The following PPARA variants were observed in gnomAD, a reference collection of about 807,000 sequenced individuals.
The protein encoded by PPARA is peroxisome proliferator activated receptor alpha.
PPARA carries 22 observed loss-of-function variants against 42.2 expected under a neutral mutation model. The observed-to-expected ratio is 0.52, with a 90% confidence interval of 0.37 to 0.74. The LOEUF is 0.74. Ranked by LOEUF, PPARA falls within the 30% of genes least tolerant of loss-of-function variation. The pLI is 0.00. For missense variants in PPARA, 465 were observed against 608.2 expected, an observed-to-expected ratio of 0.76 and a Z score of 2.48; for synonymous variants, 242 against 239.3, an observed-to-expected ratio of 1.01 and a Z score of -0.10.
chr22:46,153,676 T>G (rs894386978), intron 2 of PPARA, among the ~76,000 whole-genome samples: 3 of 151,808 alleles, frequency 2.0e-5, no homozygotes, highest in African/African-American at 7.3e-5. Flanking sequence ...CTGGCCAATA[T>G]GGTGAAACCC....
intron 3 of PPARA, among the ~76,000 whole-genome samples, chr22:46,185,916 A>AAAAAT (rs1569207624): frequency 4.0e-5 from 1 of 25,304 alleles, no homozygotes; most frequent in Non-Finnish European, 6.2e-5. Flanking sequence ...AAAAAAAAAA[A>AAAAAT]ATATATATAT....
chr22:46,194,689 A>G (rs1381488653), intron 3 of PPARA, among the ~76,000 whole-genome samples: 1 of 148,196 alleles, frequency 6.7e-6, no homozygotes, highest in African/African-American at 2.5e-5. Flanking sequence ...CTCCTGCCTC[A>G]GCCTCCCGAG....
Position 46,185,949 on chromosome 22 carries a change from A to G in PPARA, c.-43+9113A>G, listed in dbSNP as rs1324681652. Among the ~76,000 whole-genome samples the G allele has an allele frequency of 6.5e-4, 44 of 67,334 alleles. 2 individuals carry two copies. The highest frequency in any genetic ancestry group is 2.4e-3 in the South Asian group (4 of 1,662). The allele number at this position is 67,334 out of a possible 152,430, so 44.2% of individuals were successfully genotyped here. A position where few individuals can be genotyped will look rare whatever the true frequency, so the allele number is the denominator to read the frequency against. On this transcript the variant is annotated intron_variant, in intron 3 of 8. Transcript: ENST00000407236. ...TATATATATATATATATATATATATATATATATATATATATACACACACAC... is the reference window on the plus strand; with the variant it reads ...TATATATATATATATATATATATATGTATATATATATATATACACACACAC...
intron 4 of PPARA, among the ~76,000 whole-genome samples, chr22:46,213,299 T>A (rs1007414516): frequency 6.6e-6 from 1 of 152,210 alleles, no homozygotes; most frequent in Non-Finnish European, 1.5e-5. Flanking sequence ...AGTGCCCCGA[T>A]GACATATCAT....
rs1936338237 is a variant in PPARA, at chr22:46,240,298, G to A, written c.*4918G>A. On this transcript the variant is annotated 3_prime_UTR_variant, in exon 9 of 9. Transcript: ENST00000407236. The surrounding 1 kb of genome is among the most constrained non-coding windows in gnomAD (Gnocchi z 6.0). ...TTTAAAATGAAAACACCAGCCTCCAGATGTAGGGCCTGCTGGGTGTTGCTA... is the reference window on the plus strand; with the variant it reads ...TTTAAAATGAAAACACCAGCCTCCAAATGTAGGGCCTGCTGGGTGTTGCTA... 1 of 398,682 alleles carries A rather than the reference G, an allele frequency of 2.5e-6. No individual in the cohort carries two copies. The highest frequency in any genetic ancestry group is 4.4e-6 in the Non-Finnish European group (1 of 226,102). The allele number at this position is 398,682 out of a possible 1,614,324, so 24.7% of individuals were successfully genotyped here.
rs71192405 is a variant in PPARA at position 46,232,981 on chromosome 22, C to CAAAAAA, written c.1159+757_1159+762dup. On this transcript the variant is annotated intron_variant, in intron 8 of 8. Coordinates refer to ENST00000407236, the MANE Select transcript of PPARA (RefSeq NM_005036.6). This position sits in a 1 kb window ranked among gnomAD's most constrained non-coding sequence, Gnocchi z 5.3. ...TGGGCGACGAAGAATGACCCTGTCT[C>CAAAAAA]AAAAAAAAAAAAAAAAAAAATTATA... Among the ~76,000 whole-genome samples, 61 of 93,552 alleles carry CAAAAAA rather than the reference C, an allele frequency of 6.5e-4. 1 individual carries two copies. Among genetic ancestry groups the CAAAAAA allele is most frequent in the Admixed American group, 1.3e-3 (10 of 7,674 alleles). The allele number at this position is 93,552 out of a possible 152,430, so 61.4% of individuals were successfully genotyped here.
Position 46,231,983 on chromosome 22 carries a change from C to T in PPARA, c.903C>T (p.Asp301=), listed in dbSNP as rs4253773. The T allele has an allele frequency of 3.7e-4, 597 of 1,614,210 alleles. 2 individuals are homozygous for T. The highest frequency in any genetic ancestry group is 4.4e-4 in the Non-Finnish European group (516 of 1,180,032). ...CCATCCCAGGCTTCGCAAACTTGGA[C>T]CTGAACGATCAAGTGACATTGCTAA... ...AKAIPGFANL[D]LNDQVTLLKY... is the part of the protein sequence containing the mutation. The change falls in exon 8 of 9, where the codon GAC becomes GAT. Residue 301 remains aspartate (D), a synonymous_variant. Coordinates refer to ENST00000407236, the MANE Select transcript of PPARA (RefSeq NM_005036.6). The surrounding 1 kb of genome is among the most constrained non-coding windows in gnomAD (Gnocchi z 7.7).
rs1429605191 is a variant in PPARA at position 46,224,598 on chromosome 22, C to T, written c.711+4584C>T. ...CCCCACAGAGCCTCAGGAAGGCACACTGACCTCAGGGCCGGCGGCTGACTT... is the reference window on the plus strand; with the variant it reads ...CCCCACAGAGCCTCAGGAAGGCACATTGACCTCAGGGCCGGCGGCTGACTT... On this transcript the variant is annotated intron_variant, in intron 7 of 8. Coordinates refer to ENST00000407236, the MANE Select transcript of PPARA (RefSeq NM_005036.6). The surrounding 1 kb of genome is among the most constrained non-coding windows in gnomAD (Gnocchi z 5.7). 6.6e-6 allele frequency among the ~76,000 whole-genome samples: 1 copy of T among 152,212 alleles called. No individual in the cohort carries two copies. The highest frequency in any genetic ancestry group is 1.5e-5 in the Non-Finnish European group (1 of 68,046).
chr22:46,204,652 A>G lies in PPARA; in HGVS notation c.208+6061A>G, dbSNP rs1404472486. ...ATCTTTTCGTATGCTTATTTGCCAT[A>G]TATCTTCTTTGGTGATATTTCTGTT... On this transcript the variant is annotated intron_variant, in intron 4 of 8. Transcript: ENST00000407236. This position sits in a 1 kb window ranked among gnomAD's most constrained non-coding sequence, Gnocchi z 5.2. 6.6e-6 allele frequency among the ~76,000 whole-genome samples: 1 copy of G among 152,052 alleles called. No homozygotes were observed. Among genetic ancestry groups the G allele is most frequent in the African/African-American group, 2.4e-5 (1 of 41,398 alleles).
intron 7 of PPARA, among the ~76,000 whole-genome samples, chr22:46,228,395 C>T (rs940111474): frequency 1.3e-4 from 19 of 143,698 alleles, no homozygotes; most frequent in African/African-American, 3.8e-4. Flanking sequence ...ATTAACCAGG[C>T]GTGGTTGGTG....
In PPARA at chr22:46,231,220, ATT is replaced by A. The variant is rs1240772516; in HGVS notation, c.712-557_712-556del. Among the ~76,000 whole-genome samples, 10 of 129,902 alleles carry A rather than the reference ATT, an allele frequency of 7.7e-5. No individual in the cohort carries two copies. The highest frequency in any genetic ancestry group is 7.8e-5 in the Admixed American group (1 of 12,834). 85.2% of individuals were successfully genotyped at this position (129,902 alleles called of 152,430 possible). On this transcript the variant is annotated intron_variant, in intron 7 of 8. Transcript: ENST00000407236. This position sits in a 1 kb window ranked among gnomAD's most constrained non-coding sequence, Gnocchi z 7.7. ...TACAGGCACACACTATGCCTGGCTA[ATT>A]TTTTTTTTTTTTTTGAGACGGAGTC...
chr22:46,230,547 A>G lies in PPARA; in HGVS notation c.712-1245A>G, dbSNP rs62226990. Among the ~76,000 whole-genome samples, 5,595 of 152,218 alleles carry G rather than the reference A, an allele frequency of 0.037. 181 individuals are homozygous for G. The highest frequency in any genetic ancestry group is 0.052 in the Non-Finnish European group (3,511 of 68,022). ...TGCTCATTTTCCCCGGCTCTCCCAC[A>G]CATGTAATCCCTTCTGAGCATGTTG... On this transcript the variant is annotated intron_variant, in intron 7 of 8. Transcript: ENST00000407236. This position sits in a 1 kb window ranked among gnomAD's most constrained non-coding sequence, Gnocchi z 5.0.
chr22:46,163,767 C>T lies in PPARA; in HGVS notation c.-127+11797C>T, dbSNP rs1487192542. 1 of 152,208 alleles carries T rather than the reference C, an allele frequency of 6.6e-6. No homozygotes were observed. 9.4% of individuals were successfully genotyped at this position (152,208 alleles called of 1,614,324 possible). ...CATCAAGTGAAAGCAGGGCTGGCTCCCTGATGTCCTTGGAGAAGTCGCCCA... is the reference window on the plus strand; with the variant it reads ...CATCAAGTGAAAGCAGGGCTGGCTCTCTGATGTCCTTGGAGAAGTCGCCCA... On this transcript the variant is annotated intron_variant, in intron 2 of 8. Coordinates refer to ENST00000407236, the MANE Select transcript of PPARA (RefSeq NM_005036.6). This position sits in a 1 kb window ranked among gnomAD's most constrained non-coding sequence, Gnocchi z 4.9.
rs774928705 is a variant in PPARA, at chr22:46,235,323, G to T, written c.1350G>T (p.Thr450=). 4 of 1,614,058 alleles carry T rather than the reference G, an allele frequency of 2.5e-6. No individual in the cohort carries two copies. In the Admixed American group the frequency reaches 5.0e-5, roughly 20 times the overall value. Residue 450 remains threonine, a synonymous_variant, in exon 9 of 9, where the codon ACG becomes ACT. Coordinates refer to ENST00000407236, the MANE Select transcript of PPARA (RefSeq NM_005036.6). This position sits in a 1 kb window ranked among gnomAD's most constrained non-coding sequence, Gnocchi z 7.0. ...AGCTGGTGCAGATCATCAAGAAGAC[G>T]GAGTCGGATGCTGCGCTGCACCCGC... ...HAQLVQIIKK[T]ESDAALHPLL...
chr22:46,169,374 A>G (rs143116010), intron 2 of PPARA, among the ~76,000 whole-genome samples: 1 of 151,886 alleles, frequency 6.6e-6, no homozygotes, highest in East Asian at 1.9e-4. Context: ...AGCTGGGACT[A>G]CAGGCGCCCG....
chr22:46,232,269 A>G lies in PPARA; in HGVS notation c.1159+30A>G. Reference sequence around the variant, plus strand: ...GTGGTTGATTTAATCTGCTGGTATCATGTCACTGACAGGCTCCTGTCTTGA... The same window carrying G: ...GTGGTTGATTTAATCTGCTGGTATCGTGTCACTGACAGGCTCCTGTCTTGA... On this transcript the variant is annotated intron_variant, in intron 8 of 8. Transcript: ENST00000407236. This position sits in a 1 kb window ranked among gnomAD's most constrained non-coding sequence, Gnocchi z 5.3. 1 of 1,607,910 alleles carries G rather than the reference A, an allele frequency of 6.2e-7. No homozygotes were observed. The highest frequency in any genetic ancestry group is 8.5e-7 in the Non-Finnish European group (1 of 1,174,480).
chr22:46,188,441 G>A lies in PPARA; in HGVS notation c.-42-9901G>A, dbSNP rs1263935293. ...GGATTCATCTTGGGTGTCCCTTCCT[G>A]TATGTAGGCTCCCTGGCCCTCCAGG... On this transcript the variant is annotated intron_variant, in intron 3 of 8. Coordinates refer to ENST00000407236, the MANE Select transcript of PPARA (RefSeq NM_005036.6). The surrounding 1 kb of genome is among the most constrained non-coding windows in gnomAD (Gnocchi z 5.0). 6.6e-6 allele frequency among the ~76,000 whole-genome samples: 1 copy of A among 152,088 alleles called. No individual in the cohort carries two copies. The highest frequency in any genetic ancestry group is 6.5e-5 in the Admixed American group (1 of 15,270).
rs1231236273 is a variant in PPARA at position 46,241,619 on chromosome 22, G to A, written c.*6239G>A. 6.6e-6 allele frequency: 1 copy of A among 152,122 alleles called. No homozygotes were observed. The highest frequency in any genetic ancestry group is 1.9e-4 in the East Asian group (1 of 5,190). 9.4% of individuals were successfully genotyped at this position (152,122 alleles called of 1,614,324 possible). On this transcript the variant is annotated 3_prime_UTR_variant, in exon 9 of 9. Transcript: ENST00000407236. This position sits in a 1 kb window ranked among gnomAD's most constrained non-coding sequence, Gnocchi z 5.7. ...AGCTCTGGACATCTGAGGACGTCCC[G>A]GCAGATCTGGAATGGGGCCCTCAAC...
chr22:46,204,604 G>A lies in PPARA; in HGVS notation c.208+6013G>A, dbSNP rs1933046616. ...TCTCTCACTGTGGTGATTTTTATTT[G>A]CACTTCCCTGGTGATTTTGAGCATC... is the stretch of plus-strand genomic sequence containing the variant. On this transcript the variant is annotated intron_variant, in intron 4 of 8. Coordinates refer to ENST00000407236, the MANE Select transcript of PPARA (RefSeq NM_005036.6). The surrounding 1 kb of genome is among the most constrained non-coding windows in gnomAD (Gnocchi z 5.2). Among the ~76,000 whole-genome samples the A allele has an allele frequency of 6.6e-6, 1 of 152,086 alleles. No homozygotes were observed. Among genetic ancestry groups the A allele is most frequent in the Non-Finnish European group, 1.5e-5 (1 of 68,014 alleles).
Sources: gnomAD v4.1 joint callset for allele counts (sites outside exome capture counted in the v4.1 genomes callset) on GRCh38, gnomAD v4.1.1 for gene constraint, Gnocchi (gnomAD v3.1) non-coding constraint, MANE v1.5 for transcripts, NCBI Gene and HGNC (gene_info 2026-07-23, HGNC 2026-07-21) for gene names.